ADAMTS3: variants seen among roughly 807,000 people sequenced by gnomAD.
ADAMTS3 encodes ADAM metallopeptidase with thrombospondin type 1 motif 3.
In ADAMTS3, 73 loss-of-function variants were observed where a neutral mutation model predicts 129.0. The ratio of observed to expected loss-of-function variants is 0.57; its 90% CI spans 0.47 to 0.69. The LOEUF is 0.69. ADAMTS3 is among the 30% of genes least tolerant of loss of function. ADAMTS3 has a pLI of 0.00. For missense variants in ADAMTS3, 1,457 were observed against 1,514.5 expected (o/e 0.96, Z 0.63); for synonymous variants, 477 against 510.8 (o/e 0.93, Z 0.89).
intron 5 of ADAMTS3, chr4:72,330,838 C>T (rs779965600): frequency 7.2e-5 from 11 of 152,200 alleles, no homozygotes; most frequent in Non-Finnish European, 1.3e-4. Flanking sequence ...GTCCTACAAA[C>T]TCTTGTGTCC....
chr4:72,368,212 G>T (rs757557485), intron 4 of ADAMTS3, among the ~76,000 whole-genome samples: 2 of 152,010 alleles, frequency 1.3e-5, no homozygotes, highest in Non-Finnish European at 2.9e-5. Flanking sequence ...AAATTGAGAT[G>T]GCTTTCTAAA....
At chr4:72,435,601 T>A (rs1004219640) in intron 3 of ADAMTS3, among the ~76,000 whole-genome samples, 13 of 151,856 alleles carry the variant, frequency 8.6e-5, no homozygotes, top group African/African-American at 3.1e-4. Context: ...ATCCTTTAAT[T>A]GACTGTCGAC....
intron 3 of ADAMTS3, among the ~76,000 whole-genome samples, chr4:72,539,491 G>GAAAAAA (rs71215438): frequency 4.6e-5 from 4 of 86,614 alleles, no homozygotes; most frequent in Non-Finnish European, 6.5e-5. Context: ...GCTACTATCA[G>GAAAAAA]AAAAAAAAAA....
At chr4:72,331,059 T>C (rs550387433) in intron 5 of ADAMTS3, among the ~76,000 whole-genome samples, 43 of 152,198 alleles carry the variant, frequency 2.8e-4, no homozygotes, top group African/African-American at 1.0e-3. Context: ...CGAAGGGAAT[T>C]TGGGGCTGCA....
intron 3 of ADAMTS3, among the ~76,000 whole-genome samples, chr4:72,464,436 A>T (rs570471364): frequency 3.0e-4 from 46 of 152,156 alleles, no homozygotes; most frequent in Non-Finnish European, 5.9e-4. Flanking sequence ...AACATTGCTT[A>T]AAGGTTGAGC....
intron 21 of ADAMTS3, among the ~76,000 whole-genome samples, chr4:72,284,190 G>C (rs1319717246): frequency 2.0e-5 from 3 of 152,174 alleles, no homozygotes; most frequent in Non-Finnish European, 4.4e-5. Flanking sequence ...ATTCTCCAAA[G>C]AATAATCAAA....
At chr4:72,404,243 A>G (rs532986412) in intron 4 of ADAMTS3, among the ~76,000 whole-genome samples, 5 of 152,170 alleles carry the variant, frequency 3.3e-5, no homozygotes, top group African/African-American at 9.6e-5. Flanking sequence ...CAAAGCTGGA[A>G]GCATCATACT....
At chr4:72,539,319 A>G (rs1290138677) in intron 3 of ADAMTS3, among the ~76,000 whole-genome samples, 1 of 151,938 alleles carries the variant, frequency 6.6e-6, no homozygotes, top group Non-Finnish European at 1.5e-5. Context: ...AAAAACAACC[A>G]CCAGATTCAA....
At chr4:72,550,001 GAAGA>G (rs1721584376) in intron 2 of ADAMTS3, among the ~76,000 whole-genome samples, 2 of 4,750 alleles carry the variant, frequency 4.2e-4, no homozygotes, top group African/African-American at 2.0e-3. Context: ...AGAGGAAGAG[GAAGA>G]AGAAGAAGAA....
chr4:72,556,003 T>C (rs558385762), intron 2 of ADAMTS3, among the ~76,000 whole-genome samples: 1 of 151,882 alleles, frequency 6.6e-6, no homozygotes, highest in Admixed American at 6.5e-5. Context: ...TAAACCTCTT[T>C]TCTTCAAAAA....
At chr4:72,567,435 T>C in intron 1 of ADAMTS3, 34 bp from the exon 2 acceptor site, 1 of 1,607,792 alleles carries the variant, frequency 6.2e-7, no homozygotes, top group South Asian at 1.1e-5. Context: ...AAAAAGAAAG[T>C]TACTGGGTTT....
chr4:72,413,201 A>G (rs553222568), intron 4 of ADAMTS3, among the ~76,000 whole-genome samples: 7 of 152,138 alleles, frequency 4.6e-5, no homozygotes, highest in South Asian at 2.1e-4. Context: ...TGATGAAACT[A>G]CAGTTATGAC....
intron 3 of ADAMTS3, among the ~76,000 whole-genome samples, chr4:72,434,154 A>G (rs2109950343): frequency 6.6e-6 from 1 of 151,976 alleles, no homozygotes; most frequent in East Asian, 2.0e-4. Flanking sequence ...CACAGGCTGC[A>G]AACAAAATGG....
chr4:72,507,286 C>T (rs555809918), intron 3 of ADAMTS3, among the ~76,000 whole-genome samples: 7 of 152,162 alleles, frequency 4.6e-5, no homozygotes, highest in South Asian at 2.1e-4. Flanking sequence ...ATGCCTCTTT[C>T]GGAGGGCAAC....
At chr4:72,339,759 A>AAAAAAAGAAT in intron 4 of ADAMTS3, 66 bp from the exon 5 acceptor site, 1 of 1,323,762 alleles carries the variant, frequency 7.6e-7, no homozygotes, top group Admixed American at 1.8e-5. Context: ...CACTTCTTAG[A>AAAAAAAGAAT]AAAAAAGAAT....
chr4:72,460,865 T>G (rs1242271370), intron 3 of ADAMTS3, among the ~76,000 whole-genome samples: 2 of 151,730 alleles, frequency 1.3e-5, no homozygotes, highest in Non-Finnish European at 3.0e-5. Context: ...TAAATTTCTT[T>G]TTGGGAATTC....
intron 4 of ADAMTS3, among the ~76,000 whole-genome samples, chr4:72,380,802 T>C (rs1721267498): frequency 6.6e-6 from 1 of 152,132 alleles, no homozygotes; most frequent in African/African-American, 2.4e-5. Context: ...GTAGCAGAGA[T>C]TGAGAAACAA....
chr4:72,429,922 G>T (rs1357470906), intron 3 of ADAMTS3, among the ~76,000 whole-genome samples: 3 of 151,992 alleles, frequency 2.0e-5, no homozygotes, highest in Non-Finnish European at 4.4e-5. Flanking sequence ...TGGAGACCTT[G>T]TCAGAACACA....
At chr4:72,288,944 AC>A in intron 20 of ADAMTS3, 76 bp from the exon 21 acceptor site, 1 of 747,836 alleles carries the variant, frequency 1.3e-6, no homozygotes, top group Non-Finnish European at 2.3e-6. Flanking sequence ...ACACACACAC[AC>A]ACACACACAC....
Sources: allele counts gnomAD v4.1 joint callset (sites outside exome capture counted in the v4.1 genomes callset), GRCh38; gene constraint gnomAD v4.1.1; transcripts MANE v1.5; gene names NCBI Gene and HGNC (gene_info 2026-07-23, HGNC 2026-07-21).